Variants in DNAH3 observed in about 807,000 individuals in gnomAD.
DNAH3 encodes dynein axonemal heavy chain 3.
In DNAH3, 332 loss-of-function variants were observed where a neutral mutation model predicts 432.5. The ratio of observed to expected loss-of-function variants is 0.77; its 90% confidence interval spans 0.70 to 0.84. The LOEUF is 0.84. DNAH3 is among the 40% of genes least tolerant of loss of function. The pLI, the probability that DNAH3 is intolerant of heterozygous loss-of-function variation, is 0.00. For missense variants in DNAH3, 4,861 were observed against 5,114.0 expected (o/e 0.95, Z 1.51); for synonymous variants, 1,956 against 1,900.2 (o/e 1.03, Z -0.76).
chr16:21,131,910 A>C (rs923832023), intron 7 of DNAH3, among the ~76,000 whole-genome samples: 2 of 152,020 alleles, frequency 1.3e-5, no homozygotes, highest in African/African-American at 4.8e-5. Context: ...AAGAAAGAAA[A>C]GAAAACAGTC....
chr16:21,159,056 A>G (rs2092929507), intron 1 of DNAH3, among the ~76,000 whole-genome samples: 1 of 151,404 alleles, frequency 6.6e-6, no homozygotes. Flanking sequence ...AATGGTAGCT[A>G]GCACCACCAC....
chr16:21,005,238 C>T (rs2087230043), intron 41 of DNAH3, among the ~76,000 whole-genome samples: 2 of 147,068 alleles, frequency 1.4e-5, no homozygotes, highest in Admixed American at 1.4e-4. Context: ...TCCTTCCTTC[C>T]CTCCCTCCCT....
At chr16:21,155,918 A>G (rs1440745059) in intron 1 of DNAH3, among the ~76,000 whole-genome samples, 1 of 152,126 alleles carries the variant, frequency 6.6e-6, no homozygotes, top group African/African-American at 2.4e-5. Flanking sequence ...TGAGGCCTAA[A>G]ATAGTTGTTT....
intron 48 of DNAH3, 127 bp from the exon 49 acceptor site, chr16:20,983,013 GTGAC>G: frequency 1.0e-6 from 1 of 970,630 alleles, no homozygotes; most frequent in Non-Finnish European, 1.6e-6. Flanking sequence ...CTCCAGGGAT[GTGAC>G]TGTCAATGGC....
chr16:21,134,398 G>T, exon 7 of DNAH3: 1 of 1,614,172 alleles, frequency 6.2e-7, no homozygotes, highest in Non-Finnish European at 8.5e-7. Flanking sequence ...AACAAGCGGG[G>T]GATGCTCTCA....
At position 21,000,211 on chromosome 16, in the gene DNAH3, C is replaced by T. The variant is rs751637413; in HGVS notation, c.6421+13G>A. ...AGAATCTGGTTGTGTCCAGACCCAG[C>T]CCAATGCCTTACCCACAAACACCAC... On this transcript the variant is annotated intron_variant, in intron 43 of 61. Coordinates refer to ENST00000261383, the Ensembl canonical transcript of DNAH3. 4.3e-6 allele frequency: 7 copies of T among 1,609,518 alleles called. No homozygotes were observed. Among genetic ancestry groups the T allele is most frequent in the Admixed American group, 3.3e-5 (2 of 59,850 alleles).
intron 7 of DNAH3, among the ~76,000 whole-genome samples, chr16:21,130,718 G>C (rs2092540892): frequency 6.6e-6 from 1 of 152,094 alleles, no homozygotes; most frequent in Non-Finnish European, 1.5e-5. Context: ...AAAAGCAAGT[G>C]GTAAAAAGCC....
rs1320167222 is a variant in DNAH3 at position 20,933,318 on chromosome 16, C to G, written c.12187G>C (p.Asp4063His). Residue 4063 changes from aspartate to histidine, a missense_variant, in exon 62 of 62, where the codon GAC (aspartate) becomes CAC (histidine). Asp to His is a moderately conservative substitution (Grantham distance 81). Transcript: ENST00000261383. ...TTGTAGACTGGACACACATAGATGT[C>G]CTGATGCAGAAACATTGCGCTCTCC... The G allele has an allele frequency of 4.3e-6, 7 of 1,614,026 alleles. 1 individual carries two copies. In the African/African-American group the frequency reaches 5.3e-5, roughly 12 times the overall value.
intron 1 of DNAH3, among the ~76,000 whole-genome samples, chr16:21,153,056 G>A (rs1446508724): frequency 1.3e-5 from 2 of 152,244 alleles, no homozygotes; most frequent in Admixed American, 6.5e-5. Context: ...AGCCAGCTGG[G>A]CTCCTGAGTC....
exon 62 of DNAH3, chr16:20,933,312 A>G (rs1417985966): frequency 6.2e-7 from 1 of 1,614,162 alleles, no homozygotes; most frequent in Admixed American, 1.7e-5. Context: ...GGACACACAT[A>G]GATGTCCTGA....
intron 58 of DNAH3, 46 bp downstream of exon 58, chr16:20,944,450 A>G: frequency 6.2e-7 from 1 of 1,608,660 alleles, no homozygotes; most frequent in Non-Finnish European, 8.5e-7. Flanking sequence ...TGGATGAAGA[A>G]CTGCCTGGGA....
intron 1 of DNAH3, among the ~76,000 whole-genome samples, chr16:21,153,101 A>G (rs1176069617): frequency 1.3e-5 from 2 of 152,220 alleles, no homozygotes; most frequent in African/African-American, 4.8e-5. Context: ...TGGCTAGCTC[A>G]GGGATTGTAA....
chr16:20,990,889 C>T (rs535903290), intron 44 of DNAH3, among the ~76,000 whole-genome samples: 6 of 152,018 alleles, frequency 3.9e-5, no homozygotes, highest in Admixed American at 2.0e-4. Flanking sequence ...GGCGTGGTAG[C>T]GGGCACCTGT....
chr16:21,067,437 A>C lies in DNAH3; in HGVS notation c.3382-18T>G. ...TCTTTCACCTGGGTTCCATCAAAAA[A>C]AGTGAGACTCATCATAAGGTTCCCA... On this transcript the variant is annotated intron_variant, in intron 23 of 61. Transcript: ENST00000261383. 4 of 1,613,234 alleles carry C rather than the reference A, an allele frequency of 2.5e-6. No individual in the cohort carries two copies. Among genetic ancestry groups the C allele is most frequent in the Non-Finnish European group, 3.4e-6 (4 of 1,179,502 alleles).
rs762378065 is a variant in DNAH3, at chr16:21,081,674, T to C, written c.2931A>G (p.Ser977=). The change falls in exon 20 of 62, where the codon TCA becomes TCG. Residue 977 remains serine (S), a synonymous_variant. Coordinates refer to ENST00000261383, the Ensembl canonical transcript of DNAH3. ...TGCCGAATCCAAATTCGAGCATATT[T>C]GAGAGGCAGGTCGTTTCGGTGGGCT... 3.7e-6 allele frequency: 6 copies of C among 1,613,764 alleles called. No individual in the cohort carries two copies. In the Admixed American group the frequency reaches 8.3e-5, roughly 22 times the overall value.
exon 53 of DNAH3, chr16:20,963,537 G>A (rs776072791): frequency 6.2e-7 from 1 of 1,614,076 alleles, no homozygotes; most frequent in East Asian, 2.2e-5. Flanking sequence ...CCGAGTCATA[G>A]ATCAGCTTCC....
intron 19 of DNAH3, among the ~76,000 whole-genome samples, chr16:21,084,601 C>T (rs1217390103): frequency 2.0e-5 from 3 of 151,994 alleles, no homozygotes; most frequent in African/African-American, 4.8e-5. Flanking sequence ...GGATTATAGG[C>T]GTGAGCCACG....
chr16:21,081,578 T>A (rs907493863), intron 20 of DNAH3, 58 bp downstream of exon 20: 1 of 1,402,822 alleles, frequency 7.1e-7, no homozygotes, highest in African/African-American at 1.4e-5. Flanking sequence ...CAGATCACTG[T>A]GGGAACTTAC....
chr16:20,965,404 C>G lies in DNAH3; in HGVS notation c.8480G>C (p.Trp2827Ser), dbSNP rs1233463967. Residue 2827 changes from tryptophan to serine, a missense_variant, in exon 53 of 62, where the codon TGG (tryptophan) becomes TCG (serine). Trp to Ser is a radical substitution (Grantham distance 177). Transcript: ENST00000261383. ...CCCAAGAATCTTTTTGGATACCCCC[C>G]AGTAATCTTCTATCATCTTACCTAT... The G allele has an allele frequency of 2.0e-5, 31 of 1,525,112 alleles. No individual in the cohort carries two copies. Among genetic ancestry groups the G allele is most frequent in the Non-Finnish European group, 2.7e-5 (31 of 1,136,678 alleles). The allele number at this position is 1,525,112 out of a possible 1,614,324, so 94.5% of individuals were successfully genotyped here. A position where few individuals can be genotyped will look rare whatever the true frequency, so the allele number is the denominator to read the frequency against.
Sources: allele counts gnomAD v4.1 joint callset (sites outside exome capture counted in the v4.1 genomes callset), GRCh38; gene constraint gnomAD v4.1.1; transcripts MANE v1.5; gene names NCBI Gene and HGNC (gene_info 2026-07-23, HGNC 2026-07-21).